Variants in MGAT4A observed in about 807,000 individuals in gnomAD.
The protein encoded by MGAT4A is N-acetylglucosaminyltransferase IVa.
Under a neutral mutation model 74.1 loss-of-function variants are expected in MGAT4A, and 33 were observed. That is an observed-to-expected ratio of 0.45 (90% CI 0.34 to 0.60). The LOEUF is 0.60. MGAT4A is among the 20% of genes least tolerant of loss of function. MGAT4A has a pLI of 0.02. For synonymous variants in MGAT4A, 198 were observed against 210.4 expected (o/e 0.94, Z 0.51); for missense variants, 479 against 628.3 (o/e 0.76, Z 2.54).
intron 12 of MGAT4A, 55 bp downstream of exon 12, chr2:98,639,753 A>T: frequency 8.2e-6 from 12 of 1,469,896 alleles, no homozygotes; most frequent in Non-Finnish European, 1.1e-5. Flanking sequence ...TATAAATCAC[A>T]TTACGAATAA....
intron 2 of MGAT4A, among the ~76,000 whole-genome samples, chr2:98,700,078 C>T (rs553661002): frequency 1.3e-5 from 2 of 152,112 alleles, no homozygotes; most frequent in African/African-American, 4.8e-5. Context: ...CTCATGATTC[C>T]GCTTTTATGG....
rs754286678 is a variant in MGAT4A, at chr2:98,713,209, A to AG, written c.94+13029dup. Among the ~76,000 whole-genome samples the AG allele has an allele frequency of 8.1e-3, 1,034 of 127,686 alleles. 39 individuals carry two copies. The highest frequency in any genetic ancestry group is 0.014 in the African/African-American group (416 of 30,340). The allele number at this position is 127,686 out of a possible 152,430, so 83.8% of individuals were successfully genotyped here. A position where few individuals can be genotyped will look rare whatever the true frequency, so the allele number is the denominator to read the frequency against. On this transcript the variant is annotated intron_variant, in intron 2 of 15. Coordinates refer to ENST00000393487, the MANE Select transcript of MGAT4A (RefSeq NM_012214.3). ...TCAAAAAAAAAAAAAAAAAAAAAAA[A>AG]GCCGTTTATCTTTAGGTTTTGAAAA...
chr2:98,713,450 TAAA>T (rs796083746), intron 2 of MGAT4A, among the ~76,000 whole-genome samples: 3 of 126,914 alleles, frequency 2.4e-5, no homozygotes, highest in Middle Eastern at 8.2e-3. Context: ...AATCTAATCT[TAAA>T]AAAAAAAAAA....
At chr2:98,637,010 G>A (rs75238671) in intron 12 of MGAT4A, among the ~76,000 whole-genome samples, 1,738 of 152,206 alleles carry the variant, frequency 0.011, 19 homozygotes, top group Middle Eastern at 0.054. Flanking sequence ...GTCATGGCAT[G>A]TCCAAAGACC....
intron 2 of MGAT4A, among the ~76,000 whole-genome samples, chr2:98,708,152 A>T (rs545843890): frequency 0.015 from 2,256 of 151,628 alleles, 38 homozygotes; most frequent in Middle Eastern, 0.051. Flanking sequence ...TTTTTTTTTA[A>T]GAGATGGGTC....
At chr2:98,680,373 A>G (rs1702043194) in intron 2 of MGAT4A, among the ~76,000 whole-genome samples, 1 of 152,180 alleles carries the variant, frequency 6.6e-6, no homozygotes, top group Admixed American at 6.6e-5. Context: ...TAACATTATA[A>G]TTTCTGTTTT....
At chr2:98,635,361 T>C (rs1171878502) in intron 13 of MGAT4A, 73 bp from the exon 14 acceptor site, 1 of 1,103,198 alleles carries the variant, frequency 9.1e-7, no homozygotes, top group South Asian at 1.5e-5. Context: ...TATATCTTAA[T>C]ATAGATGAAG....
intron 8 of MGAT4A, among the ~76,000 whole-genome samples, chr2:98,651,383 A>G (rs529715056): frequency 6.6e-6 from 1 of 152,212 alleles, no homozygotes. Flanking sequence ...TATAAATCTG[A>G]GTTAATGTAT....
At chr2:98,662,418 A>G (rs1338370991) in intron 5 of MGAT4A, among the ~76,000 whole-genome samples, 2 of 152,216 alleles carry the variant, frequency 1.3e-5, no homozygotes, top group Non-Finnish European at 2.9e-5. Context: ...TAAGGAAATC[A>G]TCAAGACCAT....
rs377249138 is a variant in MGAT4A, at chr2:98,730,569, A to G, written c.-236+479T>C. ...GCCCACCTGCCCCGCGGCCCCCGCG[A>G]AAGCGCCGACTCCCGCGCAGCCCCC... On this transcript the variant is annotated intron_variant, in intron 1 of 15. Coordinates refer to ENST00000393487, the MANE Select transcript of MGAT4A (RefSeq NM_012214.3). 6.6e-5 allele frequency among the ~76,000 whole-genome samples: 9 copies of G among 136,654 alleles called. No individual in the cohort carries two copies. In the East Asian group the frequency reaches 7.6e-4, roughly 12 times the overall value. 89.7% of individuals were successfully genotyped at this position (136,654 alleles called of 152,430 possible). A position where few individuals can be genotyped will look rare whatever the true frequency, so the allele number is the denominator to read the frequency against.
At position 98,621,194 on chromosome 2, in the gene MGAT4A, A is replaced by G. The variant is rs1028206477; in HGVS notation, c.*4372T>C. On this transcript the variant is annotated 3_prime_UTR_variant, in exon 16 of 16. Coordinates refer to ENST00000393487, the MANE Select transcript of MGAT4A (RefSeq NM_012214.3). The stretch of plus-strand genomic sequence containing the variant: ...AGTTCTGTAGGTCAGAAGTCCAAGC[A>G]GGCTTAAGTGAGTTCTCGGCTTAGG... The G allele has an allele frequency of 4.5e-6, 2 of 449,436 alleles. No homozygotes were observed. Among genetic ancestry groups the G allele is most frequent in the Non-Finnish European group, 7.6e-6 (2 of 263,750 alleles). The allele number at this position is 449,436 out of a possible 1,614,324, so 27.8% of individuals were successfully genotyped here.
At chr2:98,626,470 T>C (rs899020915) in intron 14 of MGAT4A, among the ~76,000 whole-genome samples, 1 of 152,106 alleles carries the variant, frequency 6.6e-6, no homozygotes, top group Non-Finnish European at 1.5e-5. Flanking sequence ...ATAACATCCA[T>C]CTTAAAACCA....
intron 8 of MGAT4A, among the ~76,000 whole-genome samples, chr2:98,647,599 G>A (rs1214179428): frequency 2.6e-5 from 4 of 152,228 alleles, no homozygotes; most frequent in South Asian, 2.1e-4. Flanking sequence ...GATTACAGGC[G>A]TGAGCCACTG....
chr2:98,670,810 G>A (rs556038810), intron 4 of MGAT4A, among the ~76,000 whole-genome samples: 1 of 151,992 alleles, frequency 6.6e-6, no homozygotes, highest in African/African-American at 2.4e-5. Context: ...TAGGCCCTAG[G>A]AGATCTCATC....
chr2:98,700,553 A>ATGTTT (rs1702340791), intron 2 of MGAT4A, among the ~76,000 whole-genome samples: 5 of 152,062 alleles, frequency 3.3e-5, no homozygotes, highest in African/African-American at 4.8e-5. Flanking sequence ...GCAAATCAAA[A>ATGTTT]CCAATTAACT....
chr2:98,679,279 G>T (rs1040671829), intron 2 of MGAT4A, among the ~76,000 whole-genome samples: 1 of 151,972 alleles, frequency 6.6e-6, no homozygotes, highest in African/African-American at 2.4e-5. Flanking sequence ...GGTGGTGGGC[G>T]CCTGTAGTCC....
chr2:98,667,755 T>C (rs1343823110), intron 4 of MGAT4A, among the ~76,000 whole-genome samples: 1 of 151,896 alleles, frequency 6.6e-6, no homozygotes, highest in African/African-American at 2.4e-5. Flanking sequence ...GTTTCGATCT[T>C]GTGGCCCAGG....
At chr2:98,699,429 C>A (rs1383226821) in intron 2 of MGAT4A, among the ~76,000 whole-genome samples, 4 of 152,152 alleles carry the variant, frequency 2.6e-5, no homozygotes, top group Non-Finnish European at 4.4e-5. Flanking sequence ...GCCTTTCAAG[C>A]CAGGCTTTCT....
chr2:98,682,000 T>C (rs572503081), intron 2 of MGAT4A, among the ~76,000 whole-genome samples: 2 of 152,010 alleles, frequency 1.3e-5, no homozygotes, highest in African/African-American at 2.4e-5. Flanking sequence ...TTATAACCCA[T>C]TGAATAAAAT....
Sources: allele counts gnomAD v4.1 joint callset (sites outside exome capture counted in the v4.1 genomes callset), GRCh38; gene constraint gnomAD v4.1.1; transcripts MANE v1.5; gene names NCBI Gene and HGNC (gene_info 2026-07-23, HGNC 2026-07-21).